The following MPC1 variants were observed in gnomAD, a reference collection of about 807,000 sequenced individuals.
MPC1 encodes mitochondrial pyruvate carrier 1.
A neutral mutation model predicts 13.9 loss-of-function variants in MPC1; 6 were observed. The observed-to-expected ratio is 0.43, with a 90% confidence interval of 0.24 to 0.85. The LOEUF (loss-of-function observed/expected upper bound fraction) is 0.85. MPC1 is among the 40% of genes least tolerant of loss of function. MPC1 has a pLI of 0.24. For synonymous variants in MPC1, 47 were observed against 50.5 expected, an observed-to-expected ratio of 0.93 and a Z score of 0.29; for missense variants, 115 against 143.3, an observed-to-expected ratio of 0.80 and a Z score of 1.01.
chr6:166,379,165 C>T (rs1485318413), intron 1 of MPC1, among the ~76,000 whole-genome samples: 1 of 152,098 alleles, frequency 6.6e-6, no homozygotes, highest in African/African-American at 2.4e-5. Context: ...TGTTTCATAA[C>T]CTCTTTCAGT....
intron 1 of MPC1, among the ~76,000 whole-genome samples, chr6:166,378,489 AG>A (rs1779652247): frequency 6.6e-6 from 1 of 152,072 alleles, no homozygotes; most frequent in South Asian, 2.1e-4. Context: ...AAGAGGAATA[AG>A]TCGCTAGAAT....
In MPC1 at chr6:166,382,747, G is replaced by A. The variant is rs1273650939; in HGVS notation, c.71+59C>T. On this transcript the variant is annotated intron_variant, in intron 1 of 4. Coordinates refer to ENST00000360961, the MANE Select transcript of MPC1 (RefSeq NM_016098.4). ...GGCCGCCCTCGTCGCGGACTGCACG[G>A]GTCGCAGCCTCCCGGGAGCCCCTCC... 43 of 1,508,650 alleles carry A rather than the reference G, an allele frequency of 2.9e-5. 1 individual carries two copies. The highest frequency in any genetic ancestry group is 8.9e-7 in the Non-Finnish European group (1 of 1,124,520). 93.5% of individuals were successfully genotyped at this position (1,508,650 alleles called of 1,614,324 possible).
intron 1 of MPC1, among the ~76,000 whole-genome samples, chr6:166,377,140 A>C (rs1007012379): frequency 1.5e-5 from 2 of 129,594 alleles, no homozygotes; most frequent in Non-Finnish European, 3.2e-5. Flanking sequence ...TATTATTATT[A>C]TTTATTCTTT....
intron 1 of MPC1, among the ~76,000 whole-genome samples, chr6:166,379,877 G>A (rs1216841098): frequency 1.3e-5 from 2 of 152,224 alleles, no homozygotes; most frequent in African/African-American, 2.4e-5. Flanking sequence ...CAAATAGGAA[G>A]TACTTTCCTC....
chr6:166,382,427 C>T (rs944960621), intron 1 of MPC1, among the ~76,000 whole-genome samples: 4 of 151,962 alleles, frequency 2.6e-5, no homozygotes, highest in African/African-American at 7.3e-5. Flanking sequence ...TCAATGTCAC[C>T]CCTGCCTTGA....
chr6:166,371,524 A>G (rs1779380194), intron 1 of MPC1, among the ~76,000 whole-genome samples: 1 of 152,230 alleles, frequency 6.6e-6, no homozygotes, highest in African/African-American at 2.4e-5. Context: ...GGCAGGGGGA[A>G]AAATGAAATA....
chr6:166,382,796 C>T lies in MPC1; in HGVS notation c.71+10G>A, dbSNP rs765478642. 6.3e-7 allele frequency: 1 copy of T among 1,581,794 alleles called. No homozygotes were observed. The highest frequency in any genetic ancestry group is 1.7e-5 in the Admixed American group (1 of 57,330). ...CCGGGTTGCGGGGTTCGGCCTGCGG[C>T]GCTCGTCACCTCATGAGGTAGTCCC... On this transcript the variant is annotated intron_variant, in intron 1 of 4. Coordinates refer to ENST00000360961, the MANE Select transcript of MPC1 (RefSeq NM_016098.4).
chr6:166,369,588 C>A lies in MPC1; in HGVS notation c.75+630G>T, dbSNP rs533798238. 9.2e-5 allele frequency: 15 copies of A among 162,466 alleles called. No homozygotes were observed. In the South Asian group the frequency reaches 2.5e-3, roughly 27 times the overall value. 10.1% of individuals were successfully genotyped at this position (162,466 alleles called of 1,614,324 possible). ...ATTTTAACACTAGTTTACTAAAATA[C>A]CTAACCTTAGAAAGTTTATAATGCA... On this transcript the variant is annotated intron_variant, in intron 2 of 4. Coordinates refer to ENST00000360961, the MANE Select transcript of MPC1 (RefSeq NM_016098.4).
chr6:166,379,565 A>G (rs529850660), intron 1 of MPC1, among the ~76,000 whole-genome samples: 2 of 152,296 alleles, frequency 1.3e-5, no homozygotes, highest in African/African-American at 2.4e-5. Context: ...CATGATTGAA[A>G]TAAATTTATA....
intron 2 of MPC1, among the ~76,000 whole-genome samples, chr6:166,367,386 G>A (rs1053454868): frequency 2.0e-5 from 3 of 152,140 alleles, no homozygotes. Context: ...GAAGAAAGAA[G>A]CTTAATAAGA....
At chr6:166,370,391 G>C in intron 1 of MPC1, 170 bp from the exon 2 acceptor site, 1 of 554,542 alleles carries the variant, frequency 1.8e-6, no homozygotes, top group Non-Finnish European at 3.2e-6. Flanking sequence ...ATTTTTAAAA[G>C]ATCAAGTAAT....
intron 1 of MPC1, among the ~76,000 whole-genome samples, chr6:166,382,506 GTCACCCTGCCGGGAGAGGACA>G: frequency 6.6e-6 from 1 of 151,520 alleles, no homozygotes; most frequent in Non-Finnish European, 1.5e-5. Context: ...AGCGCCCACT[GTCACCCTGCCGGGAGAGGACA>G]CCCACTGTCA....
Position 166,365,179 on chromosome 6 carries a change from C to T in MPC1, c.*250G>A. 1 of 358,110 alleles carries T rather than the reference C, an allele frequency of 2.8e-6. No individual in the cohort carries two copies. The highest frequency in any genetic ancestry group is 5.0e-6 in the Non-Finnish European group (1 of 201,686). The allele number at this position is 358,110 out of a possible 1,614,324, so 22.2% of individuals were successfully genotyped here. On this transcript the variant is annotated 3_prime_UTR_variant, in exon 5 of 5. Transcript: ENST00000360961. The surrounding 1 kb of genome is among the most constrained non-coding windows in gnomAD (Gnocchi z 4.2). Reference sequence around the variant, plus strand: ...ATATACATATTACTGCAGATAAAACCATCATCAGAAATTATTAAATTAATT... The same window carrying T: ...ATATACATATTACTGCAGATAAAACTATCATCAGAAATTATTAAATTAATT...
At chr6:166,379,970 T>G (rs1422334593) in intron 1 of MPC1, among the ~76,000 whole-genome samples, 1 of 152,242 alleles carries the variant, frequency 6.6e-6, no homozygotes, top group Non-Finnish European at 1.5e-5. Flanking sequence ...TGTTGATACC[T>G]GACCTCAAAC....
At chr6:166,381,026 A>G (rs1466694724) in intron 1 of MPC1, among the ~76,000 whole-genome samples, 1 of 151,662 alleles carries the variant, frequency 6.6e-6, no homozygotes, top group South Asian at 2.1e-4. Context: ...TCATAACTGT[A>G]TTTTTAATTT....
intron 1 of MPC1, among the ~76,000 whole-genome samples, chr6:166,374,003 T>C (rs1242757438): frequency 3.3e-5 from 5 of 152,160 alleles, no homozygotes; most frequent in Non-Finnish European, 5.9e-5. Flanking sequence ...TTGTTTTTTT[T>C]TGAGAGGGAG....
intron 1 of MPC1, among the ~76,000 whole-genome samples, chr6:166,376,647 A>G (rs111543319): frequency 3.8e-4 from 58 of 152,358 alleles, no homozygotes; most frequent in African/African-American, 6.5e-4. Flanking sequence ...TAACCCAGTA[A>G]AGTTGACACC....
chr6:166,379,479 G>A lies in MPC1; in HGVS notation c.71+3327C>T, dbSNP rs541318413. ...ATTGCACTCCAGCCTGGGTGACAGA[G>A]TAATACCCTGTCTCTAAATAAATAA... On this transcript the variant is annotated intron_variant, in intron 1 of 4. Coordinates refer to ENST00000360961, the MANE Select transcript of MPC1 (RefSeq NM_016098.4). 4.0e-5 allele frequency among the ~76,000 whole-genome samples: 6 copies of A among 148,836 alleles called. No homozygotes were observed. In the East Asian group the frequency reaches 1.2e-3, roughly 29 times the overall value.
At chr6:166,380,939 CAA>C (rs1175434820) in intron 1 of MPC1, among the ~76,000 whole-genome samples, 2,548 of 47,760 alleles carry the variant, frequency 0.053, 75 homozygotes, top group African/African-American at 0.15. Context: ...AACTCTGTCT[CAA>C]AAAAAAAAAA....
Sources: gnomAD v4.1 joint callset for allele counts (sites outside exome capture counted in the v4.1 genomes callset) on GRCh38, gnomAD v4.1.1 for gene constraint, Gnocchi (gnomAD v3.1) non-coding constraint, MANE v1.5 for transcripts, NCBI Gene and HGNC (gene_info 2026-07-23, HGNC 2026-07-21) for gene names.